The following PRPF38A variants were observed in gnomAD, a reference collection of about 807,000 sequenced individuals.
The protein encoded by PRPF38A is pre-mRNA-splicing factor 38A.
PRPF38A carries 11 observed loss-of-function variants against 46.8 expected under a neutral mutation model. The ratio of observed to expected loss-of-function variants is 0.24; its 90% CI spans 0.15 to 0.39. PRPF38A has a LOEUF of 0.39. PRPF38A is among the 10% of genes least tolerant of loss of function. The pLI is 1.00. For missense variants in PRPF38A, 261 were observed against 407.5 expected (o/e 0.64, Z 3.10); for synonymous variants, 124 against 136.2 (o/e 0.91, Z 0.62).
chr1:52,412,819 G>A (rs1287753096), intron 5 of PRPF38A, among the ~76,000 whole-genome samples, 195 bp downstream of exon 5: 2 of 152,244 alleles, frequency 1.3e-5, no homozygotes, highest in East Asian at 3.9e-4. Context: ...GGCCAACGTG[G>A]TGGTGAAACC....
chr1:52,406,465 A>T (rs1648001476), intron 2 of PRPF38A, among the ~76,000 whole-genome samples: 1 of 152,188 alleles, frequency 6.6e-6, no homozygotes, highest in African/African-American at 2.4e-5. Context: ...CAAACAACAA[A>T]AGGTGGTGGT....
At position 52,418,588 on chromosome 1, in the gene PRPF38A, A is replaced by G. The variant is rs1359207544; in HGVS notation, c.*1898A>G. ...GTAATATGTGGACCAAAATTGAGGT[A>G]CCACAGCCAATCAATAGCAGGAAAG... is the stretch of plus-strand genomic sequence containing the variant. On this transcript the variant is annotated 3_prime_UTR_variant, in exon 10 of 10. Transcript: ENST00000257181. The G allele has an allele frequency of 6.6e-6, 1 of 152,238 alleles. No homozygotes were observed. Among genetic ancestry groups the G allele is most frequent in the African/African-American group, 2.4e-5 (1 of 41,458 alleles). The allele number at this position is 152,238 out of a possible 1,614,324, so 9.4% of individuals were successfully genotyped here.
At chr1:52,406,393 C>T (rs1431706534) in intron 2 of PRPF38A, among the ~76,000 whole-genome samples, 1 of 152,172 alleles carries the variant, frequency 6.6e-6, no homozygotes, top group East Asian at 1.9e-4. Context: ...TCACTAAATA[C>T]ATATTAAGCA....
chr1:52,409,589 G>T (rs574130588), intron 3 of PRPF38A: 3 of 152,036 alleles, frequency 2.0e-5, no homozygotes, highest in Non-Finnish European at 4.4e-5. Flanking sequence ...CAGCCTGGGC[G>T]ACAGAGCAAG....
At chr1:52,407,479 A>G (rs1435810052) in intron 2 of PRPF38A, among the ~76,000 whole-genome samples, 1 of 152,266 alleles carries the variant, frequency 6.6e-6, no homozygotes, top group African/African-American at 2.4e-5. Context: ...TTGAGAAAAC[A>G]CATGATTTGA....
chr1:52,415,577 TC>T (rs1648266470), intron 9 of PRPF38A, among the ~76,000 whole-genome samples, 191 bp downstream of exon 9: 1 of 152,188 alleles, frequency 6.6e-6, no homozygotes, highest in Admixed American at 6.5e-5. Context: ...GAACTGAGTT[TC>T]GTGCTTGTCT....
chr1:52,404,971 G>A, intron 1 of PRPF38A, 92 bp downstream of exon 1: 2 of 1,476,688 alleles, frequency 1.4e-6, no homozygotes, highest in South Asian at 1.3e-5. Context: ...GCCTCTGGGG[G>A]TGGTACTGGA....
chr1:52,413,455 G>A (rs1648205618), intron 5 of PRPF38A, among the ~76,000 whole-genome samples: 1 of 151,872 alleles, frequency 6.6e-6, no homozygotes, highest in Admixed American at 6.6e-5. Context: ...TGCCCAGGCT[G>A]AGGTGCAGTG....
Position 52,418,269 on chromosome 1 carries a change from CT to C in PRPF38A, c.*1580del. 1 of 152,478 alleles carries C rather than the reference CT, an allele frequency of 6.6e-6. No homozygotes were observed. The allele number at this position is 152,478 out of a possible 1,614,324, so 9.4% of individuals were successfully genotyped here. A position where few individuals can be genotyped will look rare whatever the true frequency, so the allele number is the denominator to read the frequency against. On this transcript the variant is annotated 3_prime_UTR_variant, in exon 10 of 10. Coordinates refer to ENST00000257181, the MANE Select transcript of PRPF38A (RefSeq NM_032864.4). ...AGAGCTCTTACGGTTTCTGATAGAACTATATAGGACTACCTTTTAAGATTAA... is the reference window on the plus strand; with the variant it reads ...AGAGCTCTTACGGTTTCTGATAGAACATATAGGACTACCTTTTAAGATTAA...
At chr1:52,408,287 C>A in intron 2 of PRPF38A, 1 of 523,106 alleles carries the variant, frequency 1.9e-6, no homozygotes, top group Non-Finnish European at 3.6e-6. Context: ...TAGAGTAATC[C>A]TGTGAGGTAA....
At chr1:52,412,075 A>G (rs1011401956) in intron 4 of PRPF38A, among the ~76,000 whole-genome samples, 5 of 152,176 alleles carry the variant, frequency 3.3e-5, no homozygotes, top group Non-Finnish European at 7.3e-5. Flanking sequence ...TTAAAATGGA[A>G]CCAGTTCAAA....
intron 5 of PRPF38A, among the ~76,000 whole-genome samples, chr1:52,413,317 A>G (rs1420255501): frequency 2.6e-5 from 4 of 152,176 alleles, no homozygotes; most frequent in African/African-American, 7.2e-5. Context: ...TAGGAGGGGG[A>G]AAATGTCAAC....
chr1:52,416,746 A>T lies in PRPF38A; in HGVS notation c.*56A>T, dbSNP rs11541841. On this transcript the variant is annotated 3_prime_UTR_variant, in exon 10 of 10. Transcript: ENST00000257181. The stretch of plus-strand genomic sequence containing the variant: ...CTCCTGTGGATATAAGGATATCTGT[A>T]TGTGGAAGGATTAAGATCTCCCCCA... 1 of 1,274,014 alleles carries T rather than the reference A, an allele frequency of 7.8e-7. No individual in the cohort carries two copies. Among genetic ancestry groups the T allele is most frequent in the Admixed American group, 1.7e-5 (1 of 59,566 alleles). The allele number at this position is 1,274,014 out of a possible 1,614,324, so 78.9% of individuals were successfully genotyped here. A position where few individuals can be genotyped will look rare whatever the true frequency, so the allele number is the denominator to read the frequency against.
Position 52,413,927 on chromosome 1 carries a change from T to G in PRPF38A, c.658T>G (p.Leu220Val), listed in dbSNP as rs1014733945. The change falls in exon 6 of 10, where the codon TTG becomes GTG. Residue 220 changes from leucine to valine, a missense_variant. Physicochemically the swap from Leu to Val is conservative, Grantham distance 32 (BLOSUM62 1). Coordinates refer to ENST00000257181, the MANE Select transcript of PRPF38A (RefSeq NM_032864.4). ...TCACCGCCGGAGAAGCTACCGAGAC[T>G]TGGACAAGCCCCGTCGCTCTCCCAC... ...PDHRRRSYRDLDKPRRSPTLR... is the reference protein window; with the variant it reads ...PDHRRRSYRDVDKPRRSPTLR... 1.8e-5 allele frequency: 29 copies of G among 1,613,946 alleles called. No individual in the cohort carries two copies. Among genetic ancestry groups the G allele is most frequent in the Non-Finnish European group, 2.2e-5 (26 of 1,179,988 alleles).
At chr1:52,415,986 G>C (rs1648281119) in intron 9 of PRPF38A, among the ~76,000 whole-genome samples, 1 of 151,818 alleles carries the variant, frequency 6.6e-6, no homozygotes, top group South Asian at 2.1e-4. Context: ...GGGAATACAG[G>C]TGCCCGCCAC....
rs1648258955 is a variant in PRPF38A at position 52,415,341 on chromosome 1, A to G, written c.851A>G (p.His284Arg). The G allele has an allele frequency of 2.0e-5, 33 of 1,613,888 alleles. No individual in the cohort carries two copies. The highest frequency in any genetic ancestry group is 2.8e-5 in the Non-Finnish European group (33 of 1,179,802). ...RHRSRSKSPG[H>R]HRSHRHRSHS... ...GCAATGGCCTTTTCTTCCCCAGGTC[A>G]TCACCGTAGTCACAGACACAGGAGC... Residue 284 changes from histidine (H) to arginine (R), a missense_variant, in exon 9 of 10, where the codon CAT becomes CGT. Coordinates refer to ENST00000257181, the MANE Select transcript of PRPF38A (RefSeq NM_032864.4).
chr1:52,414,968 G>A (rs1434045225), intron 8 of PRPF38A, 109 bp downstream of exon 8: 2 of 932,154 alleles, frequency 2.1e-6, no homozygotes, highest in African/African-American at 1.7e-5. Flanking sequence ...TAACAGAAAA[G>A]CAAATGGACA....
At chr1:52,414,901 G>A in intron 8 of PRPF38A, 42 bp downstream of exon 8, 1 of 1,597,668 alleles carries the variant, frequency 6.3e-7, no homozygotes, top group Non-Finnish European at 8.6e-7. Context: ...TCTTAACAAA[G>A]AAATGTAAAA....
chr1:52,412,767 A>C, intron 5 of PRPF38A, 143 bp downstream of exon 5: 1 of 574,624 alleles, frequency 1.7e-6, no homozygotes, highest in Non-Finnish European at 3.1e-6. Flanking sequence ...TGGGAGGCCA[A>C]GGCGAGTGGA....
Sources: allele counts gnomAD v4.1 joint callset (sites outside exome capture counted in the v4.1 genomes callset), GRCh38; gene constraint gnomAD v4.1.1; transcripts MANE v1.5; gene names NCBI Gene and HGNC (gene_info 2026-07-23, HGNC 2026-07-21).